EIF3B: variants seen among roughly 807,000 people sequenced by gnomAD.
The protein encoded by EIF3B is eukaryotic translation initiation factor 3 subunit B, also known as eukaryotic translation initiation factor 3 subunit 9.
A neutral mutation model predicts 104.6 loss-of-function variants in EIF3B; 10 were observed. The observed-to-expected ratio is 0.10, with a 90% CI of 0.06 to 0.16. The LOEUF is 0.16. EIF3B is among the 10% of genes least tolerant of loss of function. The probability of loss-of-function intolerance (pLI) is 1.00; values close to 1 mark genes in which losing one functional copy is unlikely to be tolerated. For synonymous variants in EIF3B, 542 were observed against 417.2 expected, an observed-to-expected ratio of 1.30 and a Z score of -3.65; for missense variants, 1,014 against 1,087.9, an observed-to-expected ratio of 0.93 and a Z score of 0.96.
chr7:2,375,067 A>G, intron 13 of EIF3B: 2 of 393,156 alleles, frequency 5.1e-6, no homozygotes, highest in Non-Finnish European at 4.7e-6. Flanking sequence ...TTCTGCTCTG[A>G]GTTAAAAGAA....
At chr7:2,369,765 ATTTTTTTTTTTTTTTTT>A (rs552367791) in intron 10 of EIF3B, 83 bp downstream of exon 10, 5 of 362,954 alleles carry the variant, frequency 1.4e-5, no homozygotes, top group African/African-American at 9.7e-5. Flanking sequence ...GTGTTAATGG[ATTTTTTTTTTTTTTTTT>A]TTTTTTTTTT....
At chr7:2,379,607 G>GCTTCACCCTTCACCCCT in intron 18 of EIF3B, 96 bp downstream of exon 18, 1 of 773,200 alleles carries the variant, frequency 1.3e-6, no homozygotes, top group Non-Finnish European at 2.2e-6. Context: ...TTAAGGCAGG[G>GCTTCACCCTTCACCCCT]GTGAAGGGTG....
intron 5 of EIF3B, 90 bp downstream of exon 5, chr7:2,363,850 G>T: frequency 7.0e-7 from 1 of 1,437,592 alleles, no homozygotes; most frequent in East Asian, 2.3e-5. Flanking sequence ...AAAACTGGAA[G>T]AGCAGGTGAC....
At chr7:2,368,908 C>T (rs1780171552) in intron 9 of EIF3B, among the ~76,000 whole-genome samples, 2 of 152,164 alleles carry the variant, frequency 1.3e-5, no homozygotes, top group Admixed American at 6.5e-5. Context: ...AAGACCAGGA[C>T]GTTGGTTCTC....
intron 1 of EIF3B, among the ~76,000 whole-genome samples, chr7:2,358,304 G>C (rs912253688): frequency 6.6e-6 from 1 of 152,054 alleles, no homozygotes; most frequent in Non-Finnish European, 1.5e-5. Flanking sequence ...GGCTGGTCTC[G>C]AACTCCTGGC....
In EIF3B at chr7:2,375,431, G is replaced by A. The variant is rs755962036; in HGVS notation, c.1932G>A (p.Thr644=). 3.1e-6 allele frequency: 5 copies of A among 1,614,088 alleles called. No individual in the cohort carries two copies. The highest frequency in any genetic ancestry group is 1.7e-5 in the Admixed American group (1 of 60,010). The stretch of plus-strand genomic sequence containing the variant: ...CGTTTGTGGACACTTCGGACTGCAC[G>A]GTCATGAACATCGCAGAGCACTACA... The part of the protein sequence containing the change: ...ALAFVDTSDC[T]VMNIAEHYMA... The change falls in exon 14 of 19, where the codon ACG becomes ACA. Residue 644 remains threonine, a synonymous_variant. Transcript: ENST00000360876.
At chr7:2,374,455 G>A in intron 12 of EIF3B, 73 bp from the exon 13 acceptor site, 2 of 1,488,566 alleles carry the variant, frequency 1.3e-6, no homozygotes, top group Non-Finnish European at 1.9e-6. Context: ...GCACGGCCAA[G>A]TCCTCCAGCC....
chr7:2,378,347 T>C (rs13309306), intron 15 of EIF3B: 2,763 of 186,260 alleles, frequency 0.015, 89 homozygotes, highest in East Asian at 0.067. Context: ...GAATGACCCT[T>C]GGTGTCATGG....
At chr7:2,364,274 T>G in intron 5 of EIF3B, 98 bp from the exon 6 acceptor site, 6 of 1,193,936 alleles carry the variant, frequency 5.0e-6, no homozygotes, top group Non-Finnish European at 6.9e-6. Flanking sequence ...AAAAAAAAAG[T>G]TTGTAGAACA....
chr7:2,379,070 G>T (rs1445638481), intron 16 of EIF3B, 64 bp from the exon 17 acceptor site: 1 of 1,425,340 alleles, frequency 7.0e-7, no homozygotes, highest in Non-Finnish European at 9.8e-7. Flanking sequence ...CCTGGGTGTG[G>T]GCTCTTCGCG....
chr7:2,355,560 G>A, intron 1 of EIF3B, 140 bp downstream of exon 1: 1 of 1,222,786 alleles, frequency 8.2e-7, no homozygotes, highest in Non-Finnish European at 1.1e-6. Context: ...AGAAGCCACC[G>A]AGGGAGGGGT....
chr7:2,354,123 G>C (rs1377089761), upstream of EIF3B: 1 of 152,278 alleles, frequency 6.6e-6, no homozygotes, highest in South Asian at 2.1e-4. Context: ...CGGCGGCCTC[G>C]GATGGACTGA....
At chr7:2,375,318 C>T in intron 13 of EIF3B, 71 bp from the exon 14 acceptor site, 1 of 1,592,368 alleles carries the variant, frequency 6.3e-7, no homozygotes, top group Admixed American at 1.7e-5. Context: ...CATGCCGCAG[C>T]ACCTCTCAGG....
intron 1 of EIF3B, among the ~76,000 whole-genome samples, chr7:2,359,545 G>A (rs1398078449): frequency 6.6e-6 from 1 of 152,174 alleles, no homozygotes; most frequent in African/African-American, 2.4e-5. Context: ...CTGCCTTTTC[G>A]TCTATATCCT....
intron 11 of EIF3B, chr7:2,372,165 C>A (rs558055742): frequency 6.5e-4 from 222 of 342,350 alleles, no homozygotes; most frequent in Non-Finnish European, 1.1e-3. Context: ...GAGATTGCGC[C>A]CCTGCACTCC....
chr7:2,373,689 G>T (rs1222071106), intron 12 of EIF3B: 1 of 152,208 alleles, frequency 6.6e-6, no homozygotes, highest in African/African-American at 2.4e-5. Context: ...ACTGTCCAGA[G>T]ACTTGTGTAA....
intron 1 of EIF3B, among the ~76,000 whole-genome samples, chr7:2,357,922 T>C (rs181339052): frequency 6.6e-6 from 1 of 152,308 alleles, no homozygotes; most frequent in East Asian, 1.9e-4. Flanking sequence ...GCTATTTAAT[T>C]GTATGGTAAG....
chr7:2,364,824 C>T (rs894317420), intron 6 of EIF3B, among the ~76,000 whole-genome samples: 18 of 152,202 alleles, frequency 1.2e-4, no homozygotes, highest in African/African-American at 4.3e-4. Flanking sequence ...AGTGTGGGTA[C>T]TGACTTCAGG....
intron 14 of EIF3B, 89 bp from the exon 15 acceptor site, chr7:2,376,861 A>G: frequency 6.5e-7 from 1 of 1,534,300 alleles, no homozygotes; most frequent in Non-Finnish European, 8.8e-7. Context: ...CGTGTCCCCG[A>G]TACCCAGGAC....
Sources: gnomAD v4.1 joint callset for allele counts (sites outside exome capture counted in the v4.1 genomes callset) on GRCh38, gnomAD v4.1.1 for gene constraint, MANE v1.5 for transcripts, NCBI Gene and HGNC (gene_info 2026-07-23, HGNC 2026-07-21) for gene names.